Variants in BUD13 observed in about 807,000 individuals in gnomAD.
The protein encoded by BUD13 is BUD13 homolog.
Under a neutral mutation model 62.5 loss-of-function variants are expected in BUD13, and 47 were observed. The observed-to-expected ratio is 0.75, with a 90% confidence interval of 0.60 to 0.96. BUD13 has a LOEUF of 0.96. Among genes scored for constraint, BUD13 ranks in the 40% least tolerant of loss-of-function variants. The pLI, the probability that BUD13 is intolerant of heterozygous loss-of-function variation, is 0.00. For missense variants in BUD13, 821 were observed against 790.9 expected, an observed-to-expected ratio of 1.04 and a Z score of -0.46; for synonymous variants, 293 against 280.1, an observed-to-expected ratio of 1.05 and a Z score of -0.46.
chr11:116,750,166 A>G (rs1211015647), intron 9 of BUD13, among the ~76,000 whole-genome samples: 1 of 152,222 alleles, frequency 6.6e-6, no homozygotes, highest in African/African-American at 2.4e-5. Flanking sequence ...GAGTGAGAAC[A>G]GCTAAAAATT....
At chr11:116,754,194 T>C (rs1350656287) in intron 9 of BUD13, among the ~76,000 whole-genome samples, 2 of 152,180 alleles carry the variant, frequency 1.3e-5, no homozygotes, top group East Asian at 1.9e-4. Context: ...TATAGGCGTG[T>C]GCCACCATGC....
At chr11:116,766,861 G>A (rs544826935) in intron 2 of BUD13, among the ~76,000 whole-genome samples, 1 of 152,246 alleles carries the variant, frequency 6.6e-6, no homozygotes, top group African/African-American at 2.4e-5. Context: ...CTTTGTTTAG[G>A]TTTTTGGGCC....
At chr11:116,765,232 T>C (rs1420094192) in intron 3 of BUD13, 130 bp downstream of exon 3, 1 of 945,504 alleles carries the variant, frequency 1.1e-6, no homozygotes, top group East Asian at 2.5e-5. Context: ...ACTTCCTTTT[T>C]CCTGCTTTAT....
chr11:116,752,309 T>C (rs1940251075), intron 9 of BUD13, among the ~76,000 whole-genome samples: 1 of 152,112 alleles, frequency 6.6e-6, no homozygotes, highest in Non-Finnish European at 1.5e-5. Flanking sequence ...ACAGATACTA[T>C]ATATCTGTTC....
chr11:116,768,107 T>C (rs1183532109), intron 2 of BUD13, among the ~76,000 whole-genome samples: 1 of 151,926 alleles, frequency 6.6e-6, no homozygotes, highest in Non-Finnish European at 1.5e-5. Context: ...GAAAGCAACA[T>C]GGGAATATAA....
chr11:116,754,277 G>C (rs1228535841), intron 9 of BUD13, among the ~76,000 whole-genome samples: 1 of 152,130 alleles, frequency 6.6e-6, no homozygotes, highest in African/African-American at 2.4e-5. Flanking sequence ...AAACTCCTAG[G>C]CTCAAGCAAT....
At chr11:116,749,039 G>C (rs1291060002) in intron 9 of BUD13, among the ~76,000 whole-genome samples, 1 of 151,096 alleles carries the variant, frequency 6.6e-6, no homozygotes, top group East Asian at 1.9e-4. Flanking sequence ...AATATTTAAG[G>C]CATATGCAAT....
At chr11:116,752,666 A>G (rs1288634611) in intron 9 of BUD13, among the ~76,000 whole-genome samples, 2 of 152,184 alleles carry the variant, frequency 1.3e-5, no homozygotes, top group Non-Finnish European at 2.9e-5. Flanking sequence ...TTCTACCAAA[A>G]AGCCTACATA....
In BUD13 at chr11:116,765,320, C is replaced by G. The variant is rs188122251; in HGVS notation, c.322+42G>C. Reference sequence around the variant, plus strand: ...GTATAGAAAAGGAAAAAAGATCTCCCCTACTAATGGAAATTTAGATTTATC... The same window carrying G: ...GTATAGAAAAGGAAAAAAGATCTCCGCTACTAATGGAAATTTAGATTTATC... On this transcript the variant is annotated intron_variant, in intron 3 of 9. Coordinates refer to ENST00000260210, the MANE Select transcript of BUD13 (RefSeq NM_032725.4). The G allele has an allele frequency of 4.4e-6, 7 of 1,587,590 alleles. No homozygotes were observed. The Admixed American group carries it at 1.2e-4, about 27-fold the overall frequency.
intron 9 of BUD13, among the ~76,000 whole-genome samples, chr11:116,748,980 C>CAAAAAAAAAAAAAAAAAAAAAA (rs58988682): frequency 2.3e-5 from 2 of 87,016 alleles, no homozygotes; most frequent in Non-Finnish European, 4.6e-5. Flanking sequence ...GACTCTGTCT[C>CAAAAAAAAAAAAAAAAAAAAAA]AAAAAAAAAA....
chr11:116,772,848 C>A lies in BUD13; in HGVS notation c.117G>T (p.Pro39=), dbSNP rs751108608. ...ESGRKRRKKR[P]KPGGAGGKGM... ...CCTTGCCGCCGGCCCCGCCAGGCTT[C>A]GGCCGCTTTTTGCGACGCTTGCGAC... is the stretch of plus-strand genomic sequence containing the variant. The change falls in exon 1 of 10, where the codon CCG becomes CCT. Residue 39 remains proline (P), a synonymous_variant. Transcript: ENST00000260210. 6.3e-7 allele frequency: 1 copy of A among 1,586,328 alleles called. No homozygotes were observed. The highest frequency in any genetic ancestry group is 1.7e-5 in the Admixed American group (1 of 58,124).
intron 9 of BUD13, among the ~76,000 whole-genome samples, chr11:116,752,043 A>G (rs1940245098): frequency 6.6e-6 from 1 of 152,102 alleles, no homozygotes; most frequent in Non-Finnish European, 1.5e-5. Context: ...TCCCGGGTTC[A>G]CGCCATTCTC....
intron 7 of BUD13, 143 bp from the exon 8 acceptor site, chr11:116,758,093 T>TACCC: frequency 1.4e-6 from 2 of 1,395,976 alleles, no homozygotes; most frequent in Non-Finnish European, 1.9e-6. Flanking sequence ...ATTCCCAGAA[T>TACCC]ACCCACTAGA....
At chr11:116,760,622 A>T in intron 5 of BUD13, 113 bp downstream of exon 5, 1 of 1,218,768 alleles carries the variant, frequency 8.2e-7, no homozygotes, top group Non-Finnish European at 1.2e-6. Context: ...ACTAAGATTT[A>T]CTACACTTCT....
At chr11:116,749,921 A>G (rs1286835256) in intron 9 of BUD13, among the ~76,000 whole-genome samples, 1 of 152,208 alleles carries the variant, frequency 6.6e-6, no homozygotes, top group African/African-American at 2.4e-5. Context: ...CACAAGGACA[A>G]AGAAGGAGGA....
intron 8 of BUD13, among the ~76,000 whole-genome samples, 178 bp from the exon 9 acceptor site, chr11:116,757,405 C>T (rs1482325992): frequency 1.3e-5 from 2 of 152,116 alleles, no homozygotes; most frequent in African/African-American, 4.8e-5. Context: ...AAGCAATTCT[C>T]GTGCCTTAGC....
intron 2 of BUD13, among the ~76,000 whole-genome samples, chr11:116,765,762 C>G (rs74640568): frequency 1.3e-5 from 2 of 152,278 alleles, no homozygotes; most frequent in Non-Finnish European, 2.9e-5. Flanking sequence ...AACTAAATTC[C>G]TTTTACACTT....
At chr11:116,766,170 G>C (rs1473066853) in intron 2 of BUD13, among the ~76,000 whole-genome samples, 1 of 152,188 alleles carries the variant, frequency 6.6e-6, no homozygotes, top group Non-Finnish European at 1.5e-5. Flanking sequence ...GTTCTGACCT[G>C]TGATGTAAGT....
chr11:116,763,841 T>C (rs17119975), intron 3 of BUD13, among the ~76,000 whole-genome samples: 19,193 of 152,244 alleles, frequency 0.13, 1,582 homozygotes, highest in South Asian at 0.29. Flanking sequence ...TTCACTGTGC[T>C]CTTTCTTAGA....
Sources: gnomAD v4.1 joint callset for allele counts (sites outside exome capture counted in the v4.1 genomes callset) on GRCh38, gnomAD v4.1.1 for gene constraint, MANE v1.5 for transcripts, NCBI Gene and HGNC (gene_info 2026-07-23, HGNC 2026-07-21) for gene names.